The following NPAS3 variants were observed in gnomAD, a reference collection of about 807,000 sequenced individuals.
NPAS3 encodes the protein neuronal PAS domain-containing protein 3.
Under a neutral mutation model 73.1 loss-of-function variants are expected in NPAS3, and 14 were observed. The ratio of observed to expected loss-of-function variants is 0.19; its 90% CI spans 0.13 to 0.30. The LOEUF is 0.30. Among genes scored for constraint, NPAS3 ranks in the 10% least tolerant of loss-of-function variants. The probability of loss-of-function intolerance (pLI) is 1.00; values close to 1 mark genes in which losing one functional copy is unlikely to be tolerated. For synonymous variants in NPAS3, 620 were observed against 541.5 expected, an observed-to-expected ratio of 1.14 and a Z score of -2.01; for missense variants, 1,096 against 1,250.0, an observed-to-expected ratio of 0.88 and a Z score of 1.86.
At chr14:33,437,254 T>A (rs1189243287) in intron 4 of NPAS3, among the ~76,000 whole-genome samples, 1 of 152,248 alleles carries the variant, frequency 6.6e-6, no homozygotes, top group Non-Finnish European at 1.5e-5. Flanking sequence ...AGCAGTCTGA[T>A]GAGGGAACTG....
chr14:33,310,790 T>TAC (rs57506320), intron 3 of NPAS3, among the ~76,000 whole-genome samples: 7,677 of 142,080 alleles, frequency 0.054, 213 homozygotes, highest in South Asian at 0.068. Context: ...AAATGTATGG[T>TAC]ACACACACAC....
intron 4 of NPAS3, among the ~76,000 whole-genome samples, chr14:33,462,701 C>G (rs191172990): frequency 1.3e-5 from 2 of 152,114 alleles, no homozygotes; most frequent in Non-Finnish European, 2.9e-5. Context: ...CTAAGGCACC[C>G]GGGAAGACTT....
intron 5 of NPAS3, among the ~76,000 whole-genome samples, chr14:33,673,879 TG>T (rs2059679798): frequency 6.6e-6 from 1 of 152,248 alleles, no homozygotes; most frequent in African/African-American, 2.4e-5. Flanking sequence ...AGTCAGGTTA[TG>T]AGTCCAAGTA....
chr14:33,106,195 C>G (rs991784188), intron 2 of NPAS3, among the ~76,000 whole-genome samples: 2 of 152,168 alleles, frequency 1.3e-5, no homozygotes, highest in East Asian at 3.9e-4. Context: ...TTTGCAAAAT[C>G]TTGGAAATTA....
chr14:33,532,026 G>T (rs1022401996), intron 4 of NPAS3, among the ~76,000 whole-genome samples: 3 of 152,102 alleles, frequency 2.0e-5, no homozygotes, highest in Non-Finnish European at 4.4e-5. Flanking sequence ...GCTGCATTCA[G>T]TCTTAATTTA....
intron 5 of NPAS3, among the ~76,000 whole-genome samples, chr14:33,662,715 TG>T (rs1299867191): frequency 1.3e-5 from 2 of 152,134 alleles, no homozygotes; most frequent in Non-Finnish European, 2.9e-5. Flanking sequence ...GTAGTAATTG[TG>T]AATGGGAGTT....
At chr14:32,994,038 A>T (rs560473750) in intron 1 of NPAS3, among the ~76,000 whole-genome samples, 1 of 152,302 alleles carries the variant, frequency 6.6e-6, no homozygotes, top group Admixed American at 6.5e-5. Flanking sequence ...AGGGAAAGGG[A>T]ACCAATAAAT....
chr14:33,801,274 T>G, downstream of NPAS3: 1 of 1,369,678 alleles, frequency 7.3e-7, no homozygotes, highest in Non-Finnish European at 9.6e-7. Context: ...GACTTATTCT[T>G]TCGTGTAAAG....
chr14:33,723,477 G>A (rs2061172883), intron 6 of NPAS3, among the ~76,000 whole-genome samples: 1 of 151,974 alleles, frequency 6.6e-6, no homozygotes, highest in African/African-American at 2.4e-5. Context: ...AGGTTAATTG[G>A]GAGTAAACTC....
chr14:33,363,182 G>A (rs775888238), intron 3 of NPAS3, among the ~76,000 whole-genome samples: 6 of 152,154 alleles, frequency 3.9e-5, no homozygotes, highest in Non-Finnish European at 5.9e-5. Context: ...CCCTCCTCAC[G>A]TGAGTGCCTC....
exon 12 of NPAS3, chr14:33,799,863 G>A: frequency 4.3e-6 from 7 of 1,614,184 alleles, no homozygotes; most frequent in Non-Finnish European, 5.9e-6. Flanking sequence ...GACGGCCACA[G>A]CTCCAGTAAC....
chr14:33,270,120 C>T (rs537021229), intron 3 of NPAS3, among the ~76,000 whole-genome samples: 1 of 152,182 alleles, frequency 6.6e-6, no homozygotes, highest in African/African-American at 2.4e-5. Flanking sequence ...AGCGGTTGGC[C>T]TTTTGTACCC....
intron 1 of NPAS3, among the ~76,000 whole-genome samples, chr14:33,021,269 G>C (rs1378221943): frequency 6.6e-6 from 1 of 152,202 alleles, no homozygotes; most frequent in African/African-American, 2.4e-5. Context: ...TGCGTACAAA[G>C]ATTAGGCAAT....
At chr14:33,181,891 C>T (rs766374808) in intron 2 of NPAS3, among the ~76,000 whole-genome samples, 8 of 152,094 alleles carry the variant, frequency 5.3e-5, no homozygotes, top group Non-Finnish European at 1.2e-4. Context: ...TGTCTGAAAC[C>T]ACTGCTTTCC....
chr14:33,739,208 G>A (rs935146789), intron 7 of NPAS3, among the ~76,000 whole-genome samples: 6 of 152,192 alleles, frequency 3.9e-5, no homozygotes, highest in African/African-American at 1.4e-4. Context: ...TGGAGTTCCT[G>A]CTATGACATA....
chr14:33,710,956 A>G (rs897546006), intron 6 of NPAS3, among the ~76,000 whole-genome samples: 1 of 152,232 alleles, frequency 6.6e-6, no homozygotes, highest in Non-Finnish European at 1.5e-5. Context: ...CAAGGTTCTC[A>G]GATCATAACC....
chr14:33,035,890 T>G (rs1458119978), intron 1 of NPAS3, among the ~76,000 whole-genome samples: 1 of 152,138 alleles, frequency 6.6e-6, no homozygotes, highest in Admixed American at 6.5e-5. Context: ...ATGTGTGGCT[T>G]TCATAGAATT....
intron 4 of NPAS3, among the ~76,000 whole-genome samples, chr14:33,409,279 A>G (rs2047810086): frequency 6.6e-6 from 1 of 152,118 alleles, no homozygotes; most frequent in Admixed American, 6.6e-5. Context: ...TAAATAGAAA[A>G]TCTTAGTGCC....
chr14:33,484,970 T>C (rs532042379), intron 4 of NPAS3, among the ~76,000 whole-genome samples: 1 of 152,182 alleles, frequency 6.6e-6, no homozygotes, highest in Non-Finnish European at 1.5e-5. Context: ...CAGTTGCTTT[T>C]ATTAAAAGGA....
Sources: allele counts gnomAD v4.1 joint callset (sites outside exome capture counted in the v4.1 genomes callset), GRCh38; gene constraint gnomAD v4.1.1; transcripts MANE v1.5; gene names NCBI Gene and HGNC (gene_info 2026-07-23, HGNC 2026-07-21).